The following TENM3 variants were observed in gnomAD, a reference collection of about 807,000 sequenced individuals.
The protein encoded by TENM3 is teneurin transmembrane protein 3, also known as teneurin-3.
A neutral mutation model predicts 255.1 loss-of-function variants in TENM3; 63 were observed. The observed-to-expected ratio is 0.25, with a 90% CI of 0.20 to 0.30. The LOEUF is 0.30. TENM3 is among the 10% of genes least tolerant of loss of function. The pLI, the probability that TENM3 is intolerant of heterozygous loss-of-function variation, is 1.00. For synonymous variants in TENM3, 1,306 were observed against 1,322.3 expected (o/e 0.99, Z 0.27); for missense variants, 2,929 against 3,461.1 (o/e 0.85, Z 3.86).
At chr4:182,534,621 T>G (rs1477759546) in intron 3 of TENM3, among the ~76,000 whole-genome samples, 1 of 152,140 alleles carries the variant, frequency 6.6e-6, no homozygotes, top group Non-Finnish European at 1.5e-5. Context: ...CATAGTATTA[T>G]TTTTCCTGTT....
At chr4:182,395,827 G>A (rs1359999368) in intron 3 of TENM3, among the ~76,000 whole-genome samples, 2 of 152,136 alleles carry the variant, frequency 1.3e-5, no homozygotes, top group Non-Finnish European at 2.9e-5. Flanking sequence ...TTTTCGCTCT[G>A]CTCTGAAATT....
intron 18 of TENM3, among the ~76,000 whole-genome samples, chr4:182,742,860 A>G (rs192798930): frequency 6.6e-6 from 1 of 152,336 alleles, no homozygotes; most frequent in Middle Eastern, 3.4e-3. Flanking sequence ...ATTCCAGTGT[A>G]TAGCCATGAC....
intron 3 of TENM3, among the ~76,000 whole-genome samples, chr4:182,568,788 T>C (rs1744053553): frequency 6.6e-6 from 1 of 152,074 alleles, no homozygotes; most frequent in Non-Finnish European, 1.5e-5. Flanking sequence ...TGGAATAATA[T>C]TAAACAATAA....
chr4:182,337,031 A>G (rs1392849589), intron 2 of TENM3, among the ~76,000 whole-genome samples: 1 of 152,040 alleles, frequency 6.6e-6, no homozygotes, highest in Non-Finnish European at 1.5e-5. Flanking sequence ...AGAAAACTAC[A>G]ATCAAATTTC....
chr4:181,825,350 GAGATCA>G, the TENM3 span, among the ~76,000 whole-genome samples: 5 of 125,132 alleles, frequency 4.0e-5, no homozygotes, highest in African/African-American at 1.6e-4. Context: ...GCAGTGAGCC[GAGATCA>G]CACCATTGCA....
chr4:182,366,744 A>T (rs1766455451), intron 3 of TENM3, among the ~76,000 whole-genome samples: 1 of 152,218 alleles, frequency 6.6e-6, no homozygotes, highest in African/African-American at 2.4e-5. Flanking sequence ...AGAAATACAC[A>T]GCCACTAGGA....
chr4:181,973,490 A>G, the TENM3 span, among the ~76,000 whole-genome samples: 1 of 152,206 alleles, frequency 6.6e-6, no homozygotes, highest in African/African-American at 2.4e-5. Context: ...TGGGAGATTG[A>G]AGCAGGAGGA....
intron 12 of TENM3, among the ~76,000 whole-genome samples, chr4:182,712,993 G>A (rs1275605697): frequency 2.0e-5 from 3 of 152,138 alleles, no homozygotes; most frequent in African/African-American, 4.8e-5. Context: ...CTACCCAAGT[G>A]TCATCCTCAT....
At chr4:182,627,156 A>G (rs1048389166) in intron 4 of TENM3, among the ~76,000 whole-genome samples, 1 of 152,216 alleles carries the variant, frequency 6.6e-6, no homozygotes, top group African/African-American at 2.4e-5. Context: ...GCAATAATAT[A>G]CATAAAATAA....
At chr4:182,487,563 G>A (rs144917109) in intron 3 of TENM3, among the ~76,000 whole-genome samples, 2 of 152,174 alleles carry the variant, frequency 1.3e-5, no homozygotes, top group African/African-American at 4.8e-5. Flanking sequence ...ATGGGCCAGT[G>A]CAGTTTAGGT....
At chr4:181,646,571 A>G in the TENM3 span, among the ~76,000 whole-genome samples, 1 of 152,198 alleles carries the variant, frequency 6.6e-6, no homozygotes, top group Non-Finnish European at 1.5e-5. Flanking sequence ...TTTCTTGAGC[A>G]TCAACTCTTG....
chr4:181,775,227 G>A, the TENM3 span, among the ~76,000 whole-genome samples: 1 of 152,100 alleles, frequency 6.6e-6, no homozygotes, highest in East Asian at 1.9e-4. Flanking sequence ...TACCAAGTAT[G>A]ATATCAGCTC....
the TENM3 span, among the ~76,000 whole-genome samples, chr4:181,841,055 T>A: frequency 2.6e-5 from 4 of 152,116 alleles, no homozygotes; most frequent in Non-Finnish European, 2.9e-5. Context: ...ATCAGGGTTC[T>A]CCTCTGAATT....
the TENM3 span, among the ~76,000 whole-genome samples, chr4:181,870,719 G>A: frequency 1.3e-5 from 2 of 152,024 alleles, no homozygotes; most frequent in African/African-American, 2.4e-5. Flanking sequence ...ACCTTTGTCA[G>A]ATTTTATGTA....
intron 3 of TENM3, among the ~76,000 whole-genome samples, chr4:182,535,151 C>T (rs1220796542): frequency 1.3e-5 from 2 of 152,138 alleles, no homozygotes; most frequent in African/African-American, 4.8e-5. Context: ...TGTACATTTT[C>T]CTTAGATGAT....
chr4:182,279,023 G>A (rs970925668), intron 1 of TENM3, among the ~76,000 whole-genome samples: 10 of 152,172 alleles, frequency 6.6e-5, no homozygotes, highest in African/African-American at 1.7e-4. Context: ...GGCAGGGGCC[G>A]CTGCAAGGAT....
In TENM3 at chr4:182,192,714, C is replaced by A. The variant is rs181215767; in HGVS notation, c.-76+47960C>A. Among the ~76,000 whole-genome samples, 719 of 152,270 alleles carry A rather than the reference C, an allele frequency of 4.7e-3. 15 individuals are homozygous for A. Among genetic ancestry groups the A allele is most frequent in the Middle Eastern group, 0.02 (6 of 294 alleles). On this transcript the variant is annotated intron_variant, in intron 1 of 2. Coordinates refer to the TENM3 transcript ENST00000512480. ...TTAGTTTTGATTAATGGAATGTTTT[C>A]TCCTTTCCCAAGATAAGTGTGGGGG...
Position 182,346,918 on chromosome 4 carries a change from A to G in TENM3, c.500A>G (p.Asp167Gly), listed in dbSNP as rs1764857295. ...GATACGGAGCACGAAAACAAGTCCG[A>G]CAGTGAGAATGGTAAGTTTCCTTTT... Reference protein sequence around the residue: ...LTDTEHENKSDSENEQPASNQ... With the variant: ...LTDTEHENKSGSENEQPASNQ... The change falls in exon 3 of 28, where the codon GAC (aspartate) becomes GGC (glycine). Residue 167 changes from aspartate to glycine, a missense_variant. Around this residue, in one of 6 missense-constraint regions of TENM3, gnomAD observed 283 missense variants for 256.9 expected, o/e 1.10. Coordinates refer to ENST00000511685, the MANE Select transcript of TENM3 (RefSeq NM_001080477.4). 1 of 1,606,078 alleles carries G rather than the reference A, an allele frequency of 6.2e-7. No homozygotes were observed. The highest frequency in any genetic ancestry group is 1.3e-5 in the African/African-American group (1 of 74,690).
the TENM3 span, among the ~76,000 whole-genome samples, chr4:181,746,901 T>C: frequency 6.6e-6 from 1 of 152,060 alleles, no homozygotes; most frequent in Non-Finnish European, 1.5e-5. Flanking sequence ...CAAAATGTAT[T>C]TAGTCAGTAT....
Sources: allele counts gnomAD v4.1 joint callset (sites outside exome capture counted in the v4.1 genomes callset), GRCh38; gene constraint gnomAD v4.1.1; regional missense constraint gnomAD v4.1.1; transcripts MANE v1.5; gene names NCBI Gene and HGNC (gene_info 2026-07-23, HGNC 2026-07-21).